Variants in FAM193A observed in about 807,000 individuals in gnomAD.
FAM193A encodes protein FAM193A.
A neutral mutation model predicts 126.5 loss-of-function variants in FAM193A; 22 were observed. That is an observed-to-expected ratio of 0.17 (90% CI 0.12 to 0.25). The LOEUF (loss-of-function observed/expected upper bound fraction) is 0.25. Among genes scored for constraint, FAM193A ranks in the 10% least tolerant of loss-of-function variants. The pLI, the probability that FAM193A is intolerant of heterozygous loss-of-function variation, is 1.00. For synonymous variants in FAM193A, 761 were observed against 646.8 expected, an observed-to-expected ratio of 1.18 and a Z score of -2.68; for missense variants, 1,675 against 1,672.8, an observed-to-expected ratio of 1.00 and a Z score of -0.02.
chr4:2,585,363 T>C (rs1740175476), intron 1 of FAM193A, among the ~76,000 whole-genome samples: 1 of 152,218 alleles, frequency 6.6e-6, no homozygotes. Flanking sequence ...GTTCCCATTG[T>C]TTCATGTTTT....
rs1173345086 is a variant in FAM193A, at chr4:2,689,699, T to C, written c.2525T>C (p.Ile842Thr). Residue 842 changes from isoleucine (I) to threonine (T), a missense_variant, in exon 14 of 21, where the codon ATT becomes ACT. Coordinates refer to ENST00000637812, the MANE Select transcript of FAM193A (RefSeq NM_001366318.2). Reference protein sequence around the residue: ...WNPGTFLPDTISGSEILGPTL... With the variant: ...WNPGTFLPDTTSGSEILGPTL... ...CCTGGCACTTTCTTGCCAGATACAA[T>C]TTCTGGTAAGGAATTTGTTAAAACT... 6 of 1,567,390 alleles carry C rather than the reference T, an allele frequency of 3.8e-6. No individual in the cohort carries two copies. The highest frequency in any genetic ancestry group is 5.2e-6 in the Non-Finnish European group (6 of 1,163,468).
In FAM193A at chr4:2,689,715, T is replaced by C. The variant is rs770148194; in HGVS notation, c.2530+11T>C. ...CAGATACAATTTCTGGTAAGGAATTTGTTAAAACTTTCTTGAAGTTTTAAA... is the reference window on the plus strand; with the variant it reads ...CAGATACAATTTCTGGTAAGGAATTCGTTAAAACTTTCTTGAAGTTTTAAA... On this transcript the variant is annotated intron_variant, in intron 14 of 20. Transcript: ENST00000637812. The C allele has an allele frequency of 1.3e-5, 20 of 1,558,434 alleles. No homozygotes were observed. In the East Asian group the frequency reaches 4.5e-4, roughly 35 times the overall value.
intron 1 of FAM193A, 99 bp from the exon 2 acceptor site, chr4:2,595,984 AC>A: frequency 1.6e-6 from 1 of 607,816 alleles, no homozygotes; most frequent in Admixed American, 2.9e-5. Context: ...CTGTATATAA[AC>A]ATACACATGC....
intron 2 of FAM193A, among the ~76,000 whole-genome samples, chr4:2,619,659 G>A (rs561699158): frequency 3.3e-5 from 5 of 151,640 alleles, no homozygotes; most frequent in African/African-American, 7.3e-5. Flanking sequence ...GTGAGCCACC[G>A]TGGCTGGACT....
chr4:2,663,315 A>G (rs1712710177), intron 12 of FAM193A, 27 bp downstream of exon 12: 2 of 1,525,410 alleles, frequency 1.3e-6, no homozygotes, highest in African/African-American at 1.4e-5. Flanking sequence ...TGTTTTGCCA[A>G]GGATCTCTTT....
At position 2,626,570 on chromosome 4, in the gene FAM193A, G is replaced by C; in HGVS notation, c.796G>C (p.Val266Leu). The change falls in exon 4 of 21, where the codon GTG (valine) becomes CTG (leucine). Residue 266 changes from valine (V) to leucine (L), a missense_variant. Physicochemically the swap from Val to Leu is conservative, Grantham distance 32 (BLOSUM62 1). Around this residue, in one of 4 missense-constraint regions of FAM193A, gnomAD observed 1,186 missense variants for 1,109.2 expected, o/e 1.07. Coordinates refer to ENST00000637812, the MANE Select transcript of FAM193A (RefSeq NM_001366318.2). Reference protein sequence around the residue: ...VPDKEGVKELVDRLCERDPYQ... With the variant: ...VPDKEGVKELLDRLCERDPYQ... ...TGACAAGGAGGGAGTGAAGGAGCTC[G>C]TGGATAGGTACATACTGCCCTTTCC... is the stretch of plus-strand genomic sequence containing the variant. The C allele has an allele frequency of 1.4e-6, 1 of 700,648 alleles. No individual in the cohort carries two copies. The highest frequency in any genetic ancestry group is 1.5e-5 in the South Asian group (1 of 67,502). 43.4% of individuals were successfully genotyped at this position (700,648 alleles called of 1,614,324 possible). A position where few individuals can be genotyped will look rare whatever the true frequency, so the allele number is the denominator to read the frequency against.
Position 2,695,083 on chromosome 4 carries a change from G to T in FAM193A, c.3230G>T (p.Gly1077Val). The change falls in exon 17 of 21, where the codon GGC becomes GTC. Residue 1077 changes from glycine (G) to valine (V), a missense_variant. Gly to Val is a moderately radical substitution (Grantham distance 109). Transcript: ENST00000637812. Reference sequence around the variant, plus strand: ...TCGACCTCCACCAACCAGAAGGAGGGCAAGTACTGCGACTGCTGCTACTGC... The same window carrying T: ...TCGACCTCCACCAACCAGAAGGAGGTCAAGTACTGCGACTGCTGCTACTGC... ...STSTSTNQKE[G>V]KYCDCCYCEF... 1 of 1,607,920 alleles carries T rather than the reference G, an allele frequency of 6.2e-7. No homozygotes were observed. The highest frequency in any genetic ancestry group is 1.3e-5 in the African/African-American group (1 of 74,790).
chr4:2,669,358 C>T (rs1713524938), intron 12 of FAM193A, among the ~76,000 whole-genome samples: 1 of 152,108 alleles, frequency 6.6e-6, no homozygotes, highest in African/African-American at 2.4e-5. Flanking sequence ...GTCTCACGCC[C>T]AGCACTTTGG....
chr4:2,570,069 A>C (rs186876333), intron 1 of FAM193A, among the ~76,000 whole-genome samples: 8 of 135,744 alleles, frequency 5.9e-5, no homozygotes, highest in Admixed American at 4.1e-4. Flanking sequence ...AAGTTACAGA[A>C]ACTGAGAGTA....
intron 6 of FAM193A, among the ~76,000 whole-genome samples, chr4:2,646,384 C>T (rs1745144581): frequency 6.6e-6 from 1 of 151,914 alleles, no homozygotes; most frequent in African/African-American, 2.4e-5. Flanking sequence ...ATTGGTCATG[C>T]TGGTCTCGAT....
chr4:2,712,396 A>G (rs1431546122), intron 19 of FAM193A, among the ~76,000 whole-genome samples: 1 of 151,924 alleles, frequency 6.6e-6, no homozygotes, highest in Non-Finnish European at 1.5e-5. Flanking sequence ...CATTCCTGTT[A>G]TATATTTTTA....
chr4:2,577,195 C>T (rs921316042), intron 1 of FAM193A, among the ~76,000 whole-genome samples: 10 of 151,992 alleles, frequency 6.6e-5, no homozygotes. Context: ...CTCTGTCACC[C>T]AGGTGACATA....
At chr4:2,567,522 C>A (rs777364578) in intron 1 of FAM193A, among the ~76,000 whole-genome samples, 1 of 152,022 alleles carries the variant, frequency 6.6e-6, no homozygotes, top group African/African-American at 2.4e-5. Context: ...TCATATTGAT[C>A]TCCATAAGTT....
intron 20 of FAM193A, among the ~76,000 whole-genome samples, chr4:2,719,158 A>T (rs755528327): frequency 6.6e-6 from 1 of 152,200 alleles, no homozygotes; most frequent in African/African-American, 2.4e-5. Flanking sequence ...TCACAGGTTT[A>T]TCTCACTCAT....
At chr4:2,597,577 G>T (rs1264999946) in intron 2 of FAM193A, among the ~76,000 whole-genome samples, 2 of 152,012 alleles carry the variant, frequency 1.3e-5, no homozygotes, top group Non-Finnish European at 2.9e-5. Flanking sequence ...TCATTTCCCA[G>T]CCCCCGGCTT....
Position 2,605,693 on chromosome 4 carries a change from C to T in FAM193A, c.501+9364C>T, listed in dbSNP as rs554597608. Among the ~76,000 whole-genome samples the T allele has an allele frequency of 1.2e-4, 19 of 152,152 alleles. No individual in the cohort carries two copies. The East Asian group carries it at 1.9e-3, about 16-fold the overall frequency. On this transcript the variant is annotated intron_variant, in intron 2 of 20. Transcript: ENST00000637812. The stretch of plus-strand genomic sequence containing the variant: ...ACAAGAATGGTTTAGTAAGTAGGGC[C>T]GGACACGGTGGCTCACGCCTGTAAT...
intron 1 of FAM193A, among the ~76,000 whole-genome samples, chr4:2,590,577 T>C (rs1454888415): frequency 1.3e-5 from 2 of 151,488 alleles, no homozygotes; most frequent in Non-Finnish European, 2.9e-5. Flanking sequence ...GTGTGTATTA[T>C]TGATTTGGAC....
At chr4:2,683,651 C>T (rs1055596512) in intron 13 of FAM193A, among the ~76,000 whole-genome samples, 2 of 152,190 alleles carry the variant, frequency 1.3e-5, no homozygotes, top group Non-Finnish European at 2.9e-5. Flanking sequence ...CTTCATGTAG[C>T]TTTGGGGGTA....
chr4:2,699,967 G>A lies in FAM193A; in HGVS notation c.3795G>A (p.Glu1265=), dbSNP rs772324735. ...NSGNIHNGSL[E]QTEEPETSSH... The stretch of plus-strand genomic sequence containing the variant: ...GAAACATCCACAATGGCTCACTAGA[G>A]CAAACTGAAGAACCAGAAACCTCTT... Residue 1265 remains glutamate (E), a synonymous_variant, in exon 19 of 21, where the codon GAG becomes GAA. Transcript: ENST00000637812. 6.8e-6 allele frequency: 11 copies of A among 1,613,984 alleles called. No homozygotes were observed. Among genetic ancestry groups the A allele is most frequent in the Non-Finnish European group, 9.3e-6 (11 of 1,180,008 alleles).
Sources: gnomAD v4.1 joint callset for allele counts (sites outside exome capture counted in the v4.1 genomes callset) on GRCh38, gnomAD v4.1.1 for gene constraint, gnomAD v4.1.1 regional missense constraint, MANE v1.5 for transcripts, NCBI Gene and HGNC (gene_info 2026-07-23, HGNC 2026-07-21) for gene names.